The following HNRNPU variants were observed in gnomAD, a reference collection of about 807,000 sequenced individuals.
HNRNPU encodes HNRNPU antisense RNA 1.
Under a neutral mutation model 94.7 loss-of-function variants are expected in HNRNPU, and 5 were observed. The observed-to-expected ratio is 0.05, with a 90% CI of 0.03 to 0.11. The LOEUF is 0.11. HNRNPU is among the 10% of genes least tolerant of loss of function. The probability of loss-of-function intolerance (pLI) is 1.00; values close to 1 mark genes in which losing one functional copy is unlikely to be tolerated. For missense variants in HNRNPU, 710 were observed against 1,049.2 expected, an observed-to-expected ratio of 0.68 and a Z score of 4.47; for synonymous variants, 434 against 381.6, an observed-to-expected ratio of 1.14 and a Z score of -1.60.
chr1:244,857,137 A>C, intron 8 of HNRNPU: 1 of 305,466 alleles, frequency 3.3e-6, no homozygotes. Context: ...AGTTGAAAGA[A>C]CCAACTTAAT....
intron 11 of HNRNPU, 53 bp from the exon 12 acceptor site, chr1:244,855,661 A>AATATAGAG (rs1680659831): frequency 6.4e-7 from 1 of 1,566,128 alleles, no homozygotes; most frequent in African/African-American, 1.4e-5. Context: ...CTACTTATAC[A>AATATAGAG]GAAGACTTAG....
intron 4 of HNRNPU, 72 bp downstream of exon 4, chr1:244,860,263 G>T (rs145038313): frequency 7.2e-7 from 1 of 1,393,170 alleles, no homozygotes; most frequent in Non-Finnish European, 9.9e-7. Flanking sequence ...GTCGCACCAC[G>T]GCAATCCAGC....
intron 11 of HNRNPU, 91 bp downstream of exon 11, chr1:244,855,813 A>C (rs1178066713): frequency 6.9e-7 from 1 of 1,453,488 alleles, no homozygotes; most frequent in Non-Finnish European, 9.4e-7. Flanking sequence ...GTATACCATT[A>C]ATGAGGAAGA....
intron 4 of HNRNPU, chr1:244,859,597 T>G: frequency 3.0e-6 from 1 of 334,254 alleles, no homozygotes; most frequent in Non-Finnish European, 5.4e-6. Flanking sequence ...AAAAGAATAC[T>G]TAATATTTTT....
At position 244,863,610 on chromosome 1, in the gene HNRNPU, C is replaced by G; in HGVS notation, c.691+7G>C. On this transcript the variant is annotated splice_region_variant and intron_variant, in intron 1 of 13. Coordinates refer to ENST00000640218, the MANE Select transcript of HNRNPU (RefSeq NM_031844.3). The stretch of plus-strand genomic sequence containing the variant: ...CCGCCGCGCGCAACGTACAACGCAG[C>G]ACTCACCCGCCGCCGGAGCCCCGGG... The G allele has an allele frequency of 6.6e-7, 1 of 1,507,508 alleles. No homozygotes were observed. Among genetic ancestry groups the G allele is most frequent in the South Asian group, 1.3e-5 (1 of 78,090 alleles). 93.4% of individuals were successfully genotyped at this position (1,507,508 alleles called of 1,614,324 possible).
At chr1:244,859,121 C>G (rs1462232209) in intron 5 of HNRNPU, 154 bp downstream of exon 5, 1 of 581,416 alleles carries the variant, frequency 1.7e-6, no homozygotes, top group African/African-American at 1.9e-5. Context: ...TAAAATGTAG[C>G]CTGTGCCTAC....
chr1:244,854,359 G>A lies in HNRNPU; in HGVS notation c.*91C>T. On this transcript the variant is annotated 3_prime_UTR_variant, in exon 14 of 14. Coordinates refer to ENST00000640218, the MANE Select transcript of HNRNPU (RefSeq NM_031844.3). ...GAACCCGCAGGCACTTCCTCTTGTGGAATGTTTAAAAAGTTAGCCTACTAA... is the reference window on the plus strand; with the variant it reads ...GAACCCGCAGGCACTTCCTCTTGTGAAATGTTTAAAAAGTTAGCCTACTAA... 2.3e-6 allele frequency: 2 copies of A among 869,094 alleles called. No homozygotes were observed. The highest frequency in any genetic ancestry group is 1.9e-6 in the Non-Finnish European group (1 of 516,436). 53.8% of individuals were successfully genotyped at this position (869,094 alleles called of 1,614,324 possible).
chr1:244,855,886 C>A lies in HNRNPU; in HGVS notation c.2167+18G>T. ...TTTCGATCCTGAACTAAATACAGAA[C>A]ACTCAAAATTAACTTGCCTCCTCCT... is the stretch of plus-strand genomic sequence containing the variant. On this transcript the variant is annotated intron_variant, in intron 11 of 13. Transcript: ENST00000640218. 1 of 1,612,304 alleles carries A rather than the reference C, an allele frequency of 6.2e-7. No individual in the cohort carries two copies. The highest frequency in any genetic ancestry group is 8.5e-7 in the Non-Finnish European group (1 of 1,179,144).
At position 244,860,352 on chromosome 1, in the gene HNRNPU, C is replaced by G. The variant is rs772372487; in HGVS notation, c.1000G>C (p.Val334Leu). 3.1e-6 allele frequency: 5 copies of G among 1,608,132 alleles called. No individual in the cohort carries two copies. The East Asian group carries it at 1.1e-4, about 36-fold the overall frequency. Reference sequence around the variant, plus strand: ...GCATTTACCTTCATCTCAAAACACACTTTGCCTTTTGACACACCATAGGAT... The same window carrying G: ...GCATTTACCTTCATCTCAAAACACAGTTTGCCTTTTGACACACCATAGGAT... ...RASYGVSKGK[V>L]CFEMKVTEKI... Residue 334 changes from valine (V) to leucine (L), a missense_variant, in exon 4 of 14, where the codon GTG (valine) becomes CTG (leucine). By Grantham distance (32) the Val-to-Leu change is conservative. This residue lies in a region of HNRNPU where 31 missense variants were observed against 86.8 expected (regional missense o/e 0.36). Transcript: ENST00000640218.
Position 244,864,120 on chromosome 1 carries a change from C to T in HNRNPU, c.188G>A (p.Gly63Asp). 4 of 1,598,230 alleles carry T rather than the reference C, an allele frequency of 2.5e-6. No homozygotes were observed. Among genetic ancestry groups the T allele is most frequent in the Non-Finnish European group, 3.4e-6 (4 of 1,172,548 alleles). Residue 63 changes from glycine (G) to aspartate (D), a missense_variant, in exon 1 of 14, where the codon GGC becomes GAC. Physicochemically the swap from Gly to Asp is moderately conservative, Grantham distance 94. Around this residue, in one of 8 missense-constraint regions of HNRNPU, gnomAD observed 292 missense variants for 293.4 expected, o/e 1.00. Transcript: ENST00000640218. ...MEPGNGSLDL[G>D]GDSAGRSGAG... is the part of the protein sequence containing the mutation. Reference sequence around the variant, plus strand: ...TCCCGAGCGCCCAGCGGAATCCCCGCCCAGGTCTAGGCTGCCGTTCCCGGG... The same window carrying T: ...TCCCGAGCGCCCAGCGGAATCCCCGTCCAGGTCTAGGCTGCCGTTCCCGGG...
intron 3 of HNRNPU, chr1:244,861,620 T>C (rs1680831775): frequency 6.6e-6 from 1 of 152,100 alleles, no homozygotes; most frequent in African/African-American, 2.4e-5. Context: ...ATGCCTTCCA[T>C]CTAACACAGC....
At chr1:244,859,618 T>G in intron 4 of HNRNPU, 1 of 298,862 alleles carries the variant, frequency 3.3e-6, no homozygotes, top group Non-Finnish European at 6.1e-6. Context: ...AAAGTTCATG[T>G]TGTCAGTCTT....
Position 244,850,563 on chromosome 1 carries a change from C to A in HNRNPU, c.*3887G>T, listed in dbSNP as rs1436533563. 3 of 142,246 alleles carry A rather than the reference C, an allele frequency of 2.1e-5. No homozygotes were observed. Among genetic ancestry groups the A allele is most frequent in the African/African-American group, 7.7e-5 (3 of 39,000 alleles). The allele number at this position is 142,246 out of a possible 1,614,324, so 8.8% of individuals were successfully genotyped here. On this transcript the variant is annotated 3_prime_UTR_variant, in exon 14 of 14. Transcript: ENST00000640218. ...TTAGGCAATTAACAATTCGAAGAGA[C>A]TTGTGGTTTATGTATTAGTAATTCA...
intron 5 of HNRNPU, 24 bp from the exon 6 acceptor site, chr1:244,858,865 G>A (rs768905015): frequency 1.8e-6 from 2 of 1,096,390 alleles, no homozygotes; most frequent in African/African-American, 3.1e-5. Context: ...TAATCTTCAT[G>A]AAGTAGATGT....
chr1:244,863,909 G>A lies in HNRNPU; in HGVS notation c.399C>T (p.Gly133=). 2 of 1,613,788 alleles carry A rather than the reference G, an allele frequency of 1.2e-6. No individual in the cohort carries two copies. The highest frequency in any genetic ancestry group is 8.5e-7 in the Non-Finnish European group (1 of 1,179,908). ...EEEAASEDEN[G]DDQGFQEGED... ...CCCCTTCCTGGAAACCCTGATCGTC[G>A]CCGTTCTCGTCTTCCGAGGCGGCCT... The change falls in exon 1 of 14, where the codon GGC becomes GGT. Residue 133 remains glycine (G), a synonymous_variant. Coordinates refer to ENST00000640218, the MANE Select transcript of HNRNPU (RefSeq NM_031844.3).
chr1:244,864,477 TC>T lies in HNRNPU; in HGVS notation c.-171del. ...CCGCCTGGTGTCGAACGGCGCCAAT[TC>T]CTTTCACCGAGTTCGCGAGGGAGAC... On this transcript the variant is annotated 5_prime_UTR_variant, in exon 1 of 14. Coordinates refer to ENST00000640218, the MANE Select transcript of HNRNPU (RefSeq NM_031844.3). 8.6e-7 allele frequency: 1 copy of T among 1,166,080 alleles called. No homozygotes were observed. The highest frequency in any genetic ancestry group is 1.2e-6 in the Non-Finnish European group (1 of 852,256). The allele number at this position is 1,166,080 out of a possible 1,614,324, so 72.2% of individuals were successfully genotyped here.
At position 244,858,902 on chromosome 1, in the gene HNRNPU, T is replaced by G. The variant is rs1008499367; in HGVS notation, c.1118-61A>C. On this transcript the variant is annotated intron_variant, in intron 5 of 13. Coordinates refer to ENST00000640218, the MANE Select transcript of HNRNPU (RefSeq NM_031844.3). Reference sequence around the variant, plus strand: ...TAAAATAGTCCAAAGACTCATCTATTTTACTACTTAAGATGTAGGCTACAA... The same window carrying G: ...TAAAATAGTCCAAAGACTCATCTATGTTACTACTTAAGATGTAGGCTACAA... 1.2e-4 allele frequency: 92 copies of G among 789,830 alleles called. 1 individual carries two copies. Among genetic ancestry groups the G allele is most frequent in the Admixed American group, 8.3e-4 (36 of 43,436 alleles). 48.9% of individuals were successfully genotyped at this position (789,830 alleles called of 1,614,324 possible).
In HNRNPU at chr1:244,853,528, G is replaced by T. The variant is rs1382596231; in HGVS notation, c.*922C>A. On this transcript the variant is annotated 3_prime_UTR_variant, in exon 14 of 14. Coordinates refer to ENST00000640218, the MANE Select transcript of HNRNPU (RefSeq NM_031844.3). ...ATTAAAAATTAAGATATAAATGGGT[G>T]ACTCACAATTTCATTAGCTTACAAA... is the stretch of plus-strand genomic sequence containing the variant. 1 of 152,538 alleles carries T rather than the reference G, an allele frequency of 6.6e-6. No individual in the cohort carries two copies. Among genetic ancestry groups the T allele is most frequent in the East Asian group, 1.9e-4 (1 of 5,196 alleles). The allele number at this position is 152,538 out of a possible 1,614,324, so 9.4% of individuals were successfully genotyped here.
At chr1:244,855,066 T>C in intron 12 of HNRNPU, 22 bp from the exon 13 acceptor site, 1 of 1,598,884 alleles carries the variant, frequency 6.3e-7, no homozygotes. Flanking sequence ...AAATACTCTC[T>C]AAGAGCTCTG....
Sources: allele counts gnomAD v4.1 joint callset, GRCh38; gene constraint gnomAD v4.1.1; regional missense constraint gnomAD v4.1.1; transcripts MANE v1.5; gene names NCBI Gene and HGNC (gene_info 2026-07-23, HGNC 2026-07-21).